Variants in NCOA2 observed in about 807,000 individuals in gnomAD.
NCOA2 encodes the protein nuclear receptor coactivator 2.
A neutral mutation model predicts 145.1 loss-of-function variants in NCOA2; 21 were observed. The ratio of observed to expected loss-of-function variants is 0.14; its 90% CI spans 0.10 to 0.21. NCOA2 has a LOEUF of 0.21. Ranked by LOEUF, NCOA2 falls within the 10% of genes least tolerant of loss-of-function variation. The pLI is 1.00. For synonymous variants in NCOA2, 619 were observed against 637.5 expected (o/e 0.97, Z 0.44); for missense variants, 1,472 against 1,837.6 (o/e 0.80, Z 3.64).
chr8:70,111,348 C>T lies in NCOA2; in HGVS notation c.*2284G>A, dbSNP rs916980973. On this transcript the variant is annotated 3_prime_UTR_variant, in exon 23 of 23. Transcript: ENST00000452400. ...GTTTAAACTCCATTTCTCTTTTGTG[C>T]TGTGTGAAGTTAAAAGTCATTCTAA... 5.8e-5 allele frequency: 13 copies of T among 224,486 alleles called. No homozygotes were observed. The highest frequency in any genetic ancestry group is 1.2e-4 in the Non-Finnish European group (13 of 112,610). The allele number at this position is 224,486 out of a possible 1,614,324, so 13.9% of individuals were successfully genotyped here. A position where few individuals can be genotyped will look rare whatever the true frequency, so the allele number is the denominator to read the frequency against.
chr8:70,403,877 T>G (rs541788098), upstream of NCOA2: 3 of 378,152 alleles, frequency 7.9e-6, no homozygotes, highest in Non-Finnish European at 9.4e-6. Flanking sequence ...CTCCTCCTCC[T>G]CCGCGTCTCC....
chr8:70,244,955 A>G (rs1214715077), intron 2 of NCOA2: 1 of 152,214 alleles, frequency 6.6e-6, no homozygotes, highest in Non-Finnish European at 1.5e-5. Context: ...ACAAGCACAC[A>G]GAATTCCAAG....
chr8:70,394,138 G>A (rs1298010855), intron 1 of NCOA2, among the ~76,000 whole-genome samples: 2 of 152,198 alleles, frequency 1.3e-5, no homozygotes, highest in Admixed American at 1.3e-4. Flanking sequence ...GTACAGTGGT[G>A]CTCAAATATA....
chr8:70,451,237 A>ATATATATATATAT, the NCOA2 span, among the ~76,000 whole-genome samples: 3 of 69,516 alleles, frequency 4.3e-5, no homozygotes, highest in Admixed American at 1.6e-4. Context: ...AAAAAAAAAA[A>ATATATATATATAT]ATATATATAT....
chr8:70,281,798 C>G (rs1825903784), intron 2 of NCOA2, among the ~76,000 whole-genome samples: 1 of 152,130 alleles, frequency 6.6e-6, no homozygotes, highest in South Asian at 2.1e-4. Flanking sequence ...GATCTTTACA[C>G]CTGCAAAATG....
chr8:70,140,682 C>T (rs1299539421), intron 14 of NCOA2, among the ~76,000 whole-genome samples: 1 of 149,576 alleles, frequency 6.7e-6, no homozygotes, highest in Non-Finnish European at 1.5e-5. Flanking sequence ...TCAATGCACC[C>T]TCCACCTCCC....
chr8:70,143,195 G>A (rs1157376362), intron 13 of NCOA2, among the ~76,000 whole-genome samples: 3 of 152,040 alleles, frequency 2.0e-5, no homozygotes, highest in East Asian at 1.9e-4. Context: ...TCATCCACCC[G>A]CCTTGGCCTC....
chr8:70,210,289 T>C (rs373488193), intron 4 of NCOA2, among the ~76,000 whole-genome samples: 3 of 152,220 alleles, frequency 2.0e-5, no homozygotes, highest in African/African-American at 7.2e-5. Context: ...TATTTAGTCT[T>C]AGCTAGTATT....
At chr8:70,140,731 GGGTTACA>G (rs1173994102) in intron 14 of NCOA2, among the ~76,000 whole-genome samples, 1 of 150,982 alleles carries the variant, frequency 6.6e-6, no homozygotes, top group Non-Finnish European at 1.5e-5. Context: ...TGAGTAGCTG[GGGTTACA>G]GGTGCCCACC....
chr8:70,201,785 G>A (rs778296617), intron 4 of NCOA2, among the ~76,000 whole-genome samples: 3 of 152,120 alleles, frequency 2.0e-5, no homozygotes, highest in African/African-American at 7.2e-5. Flanking sequence ...AAGCTTCAGC[G>A]CAAGAAATAC....
intron 15 of NCOA2, among the ~76,000 whole-genome samples, chr8:70,134,284 G>C (rs1032680610): frequency 1.3e-5 from 2 of 152,224 alleles, no homozygotes; most frequent in Non-Finnish European, 2.9e-5. Flanking sequence ...TGATAGCAAA[G>C]AGAGGAGATT....
At chr8:70,223,367 A>G (rs912472170) in intron 2 of NCOA2, among the ~76,000 whole-genome samples, 2 of 152,226 alleles carry the variant, frequency 1.3e-5, no homozygotes, top group Non-Finnish European at 2.9e-5. Context: ...ACCTATACAA[A>G]GAGTGTTTTT....
rs998806586 is a variant in NCOA2 at position 70,128,429 on chromosome 8, T to C, written c.3681+4A>G. ...GAAAGCTAATGGCTGGTATGTTGCC[T>C]TACCTGTGTTGGTACTCCAGGCCTC... is the stretch of plus-strand genomic sequence containing the variant. On this transcript the variant is annotated splice_donor_region_variant and intron_variant, in intron 18 of 22. Transcript: ENST00000452400. 6.2e-7 allele frequency: 1 copy of C among 1,610,004 alleles called. No homozygotes were observed. The highest frequency in any genetic ancestry group is 1.6e-4 in the Middle Eastern group (1 of 6,062).
chr8:70,200,978 G>A (rs1817818599), intron 4 of NCOA2, among the ~76,000 whole-genome samples: 1 of 142,096 alleles, frequency 7.0e-6, no homozygotes, highest in Non-Finnish European at 1.5e-5. Flanking sequence ...AGCCCAGGAA[G>A]TCAAGGGGCT....
intron 1 of NCOA2, among the ~76,000 whole-genome samples, chr8:70,301,316 A>G (rs2135830922): frequency 6.6e-6 from 1 of 152,182 alleles, no homozygotes; most frequent in East Asian, 1.9e-4. Flanking sequence ...CAAAGCTGCT[A>G]CCAATCAAAG....
intron 4 of NCOA2, among the ~76,000 whole-genome samples, chr8:70,188,184 A>C (rs1816286386): frequency 6.6e-6 from 1 of 152,206 alleles, no homozygotes; most frequent in Non-Finnish European, 1.5e-5. Flanking sequence ...TATGTAATTC[A>C]CCTGCTTCTC....
rs1319663934 is a variant in NCOA2, at chr8:70,141,230, G to C, written c.2982C>G (p.Ser994Arg). Residue 994 changes from serine to arginine, a missense_variant, in exon 14 of 23, where the codon AGC becomes AGG. Ser to Arg is a moderately radical substitution (Grantham distance 110, BLOSUM62 -1). Transcript: ENST00000452400. ...PAASIPMRPS[S>R]QPGQRQTLQS... ...GAAGCGTCTGTCTTTGGCCAGGCTG[G>C]CTGCTGGGCCTCATGGGGATGCTGG... The C allele has an allele frequency of 6.2e-7, 1 of 1,613,756 alleles. No homozygotes were observed. The highest frequency in any genetic ancestry group is 1.3e-5 in the African/African-American group (1 of 74,920).
At position 70,304,708 on chromosome 8, in the gene NCOA2, A is replaced by T. The variant is rs149643475; in HGVS notation, c.-76-7908T>A. Among the ~76,000 whole-genome samples, 4 of 151,210 alleles carry T rather than the reference A, an allele frequency of 2.6e-5. No individual in the cohort carries two copies. The East Asian group carries it at 7.8e-4, about 29-fold the overall frequency. ...GACAGGGTTTCACCATCTTGGTCAG[A>T]CTGGTCTTGAACTCCTGAGCTCATG... On this transcript the variant is annotated intron_variant, in intron 1 of 22. Coordinates refer to ENST00000452400, the MANE Select transcript of NCOA2 (RefSeq NM_006540.4).
chr8:70,347,141 TTTATC>T (rs777524770), intron 1 of NCOA2, among the ~76,000 whole-genome samples: 2 of 152,122 alleles, frequency 1.3e-5, no homozygotes, highest in African/African-American at 4.8e-5. Flanking sequence ...CACATGTACT[TTTATC>T]TTACTAGCCT....
Sources: allele counts gnomAD v4.1 joint callset (sites outside exome capture counted in the v4.1 genomes callset), GRCh38; gene constraint gnomAD v4.1.1; transcripts MANE v1.5; gene names NCBI Gene and HGNC (gene_info 2026-07-23, HGNC 2026-07-21).